The following PDZD8 variants were observed in gnomAD, a reference collection of about 807,000 sequenced individuals.
The protein encoded by PDZD8 is PDZ domain-containing protein 8.
In PDZD8, 14 loss-of-function variants were observed where a neutral mutation model predicts 85.8. The ratio of observed to expected loss-of-function variants is 0.16; its 90% confidence interval spans 0.11 to 0.26. PDZD8 has a LOEUF of 0.26. Ranked by LOEUF, PDZD8 falls within the 10% of genes least tolerant of loss-of-function variation. The pLI is 1.00. For synonymous variants in PDZD8, 592 were observed against 568.6 expected (o/e 1.04, Z -0.59); for missense variants, 1,197 against 1,424.3 (o/e 0.84, Z 2.57).
At chr10:117,369,378 C>T (rs1221542331) in intron 1 of PDZD8, among the ~76,000 whole-genome samples, 1 of 151,950 alleles carries the variant, frequency 6.6e-6, no homozygotes, top group Non-Finnish European at 1.5e-5. Context: ...AGGCTGGTCT[C>T]GAACTCCTGA....
intron 1 of PDZD8, among the ~76,000 whole-genome samples, chr10:117,356,074 CATCTTT>C (rs141735303): frequency 0.019 from 2,961 of 152,096 alleles, 36 homozygotes; most frequent in Non-Finnish European, 0.032. Flanking sequence ...GGATCTCATT[CATCTTT>C]AAGTCATTAT....
Position 117,374,643 on chromosome 10 carries a change from C to T in PDZD8, c.585G>A (p.Glu195=). The T allele has an allele frequency of 1.9e-6, 3 of 1,583,188 alleles. No individual in the cohort carries two copies. The highest frequency in any genetic ancestry group is 2.6e-6 in the Non-Finnish European group (3 of 1,164,352). The change falls in exon 1 of 5, where the codon GAG becomes GAA. Residue 195 remains glutamate, a synonymous_variant. Transcript: ENST00000334464. This position sits in a 1 kb window ranked among gnomAD's most constrained non-coding sequence, Gnocchi z 7.8. ...GGTGGAAGCCCCCGTTGTACTCCAC[C>T]TCCGCCTCGAAGGCCAGCTCCTCGG... is the stretch of plus-strand genomic sequence containing the variant. The part of the protein sequence containing the change: ...ACPEELAFEA[E]VEYNGGFHLA...
chr10:117,328,991 T>C (rs1448930625), intron 2 of PDZD8, among the ~76,000 whole-genome samples: 2 of 152,200 alleles, frequency 1.3e-5, no homozygotes, highest in Non-Finnish European at 2.9e-5. Flanking sequence ...TAGGTGAATA[T>C]AGACGACATT....
intron 2 of PDZD8, among the ~76,000 whole-genome samples, chr10:117,340,599 CT>C (rs1410957918): frequency 3.3e-5 from 5 of 152,144 alleles, no homozygotes; most frequent in African/African-American, 1.2e-4. Flanking sequence ...GCAGTGGCTG[CT>C]ATACTTATCA....
intron 2 of PDZD8, among the ~76,000 whole-genome samples, chr10:117,334,631 G>C (rs1295046050): frequency 6.6e-6 from 1 of 151,674 alleles, no homozygotes; most frequent in Non-Finnish European, 1.5e-5. Context: ...TTTGTTCAAA[G>C]AATTAAAGGA....
chr10:117,334,609 A>C (rs374876895), intron 2 of PDZD8, among the ~76,000 whole-genome samples: 1 of 152,198 alleles, frequency 6.6e-6, no homozygotes, highest in African/African-American at 2.4e-5. Context: ...GGCTCAAAAA[A>C]CTGACAGAAC....
rs1363841410 is a variant in PDZD8 at position 117,374,136 on chromosome 10, C to T, written c.872+220G>A. Among the ~76,000 whole-genome samples, 1 of 152,220 alleles carries T rather than the reference C, an allele frequency of 6.6e-6. No homozygotes were observed. Among genetic ancestry groups the T allele is most frequent in the Non-Finnish European group, 1.5e-5 (1 of 68,042 alleles). ...TGCCCGCGTTGACAGCACCCTGAGT[C>T]CCCATGAACACGCGAAAAGGTTTCT... On this transcript the variant is annotated intron_variant, in intron 1 of 4. Coordinates refer to ENST00000334464, the MANE Select transcript of PDZD8 (RefSeq NM_173791.5). The surrounding 1 kb of genome is among the most constrained non-coding windows in gnomAD (Gnocchi z 7.8).
chr10:117,304,579 C>T (rs905766336), intron 3 of PDZD8, among the ~76,000 whole-genome samples: 1 of 152,064 alleles, frequency 6.6e-6, no homozygotes, highest in Non-Finnish European at 1.5e-5. Flanking sequence ...GGCTGTGCCT[C>T]CACCCAATTC....
At position 117,283,738 on chromosome 10, in the gene PDZD8, T is replaced by A. The variant is rs761801118; in HGVS notation, c.2995A>T (p.Ile999Leu). 1 of 1,614,206 alleles carries A rather than the reference T, an allele frequency of 6.2e-7. No homozygotes were observed. The highest frequency in any genetic ancestry group is 1.1e-5 in the South Asian group (1 of 91,080). ...SPSKRGNSTG[I>L]KLVRKEGGLD... is the part of the protein sequence containing the mutation. ...CCACCCTCTTTTCTCACTAACTTTA[T>A]TCCTGTGCTGTTTCCCCGTTTAGAA... Residue 999 changes from isoleucine to leucine, a missense_variant, in exon 5 of 5, where the codon ATA becomes TTA. Around this residue, in one of 4 missense-constraint regions of PDZD8, gnomAD observed 418 missense variants for 571.1 expected, o/e 0.73. Transcript: ENST00000334464.
intron 3 of PDZD8, among the ~76,000 whole-genome samples, 160 bp from the exon 4 acceptor site, chr10:117,290,508 T>A (rs1247318245): frequency 6.6e-6 from 1 of 152,174 alleles, no homozygotes. Flanking sequence ...TGTAACAATA[T>A]AAATTAACTA....
intron 4 of PDZD8, among the ~76,000 whole-genome samples, chr10:117,288,925 C>G (rs1474862910): frequency 6.6e-6 from 1 of 152,144 alleles, no homozygotes; most frequent in Non-Finnish European, 1.5e-5. Context: ...GTATTTACTA[C>G]TTGTGTAATT....
intron 3 of PDZD8, among the ~76,000 whole-genome samples, chr10:117,305,319 C>T (rs752389704): frequency 6.6e-5 from 10 of 151,766 alleles, no homozygotes; most frequent in Non-Finnish European, 1.3e-4. Context: ...GGCTGAGGCA[C>T]GAGAATTGCT....
At position 117,343,178 on chromosome 10, in the gene PDZD8, C is replaced by G. The variant is rs929697908; in HGVS notation, c.873-2076G>C. ...ACTGAAATAAACACTTAGAAAATAT[C>G]AATGGCCTACTATAGTTTATACTGA... On this transcript the variant is annotated intron_variant, in intron 1 of 4. Coordinates refer to ENST00000334464, the MANE Select transcript of PDZD8 (RefSeq NM_173791.5). Among the ~76,000 whole-genome samples the G allele has an allele frequency of 6.6e-5, 10 of 152,214 alleles. No individual in the cohort carries two copies. In the South Asian group the frequency reaches 1.7e-3, roughly 25 times the overall value.
rs1273100923 is a variant in PDZD8, at chr10:117,283,441, T to C, written c.3292A>G (p.Ile1098Val). ...CTTTCTAAAGTTTCTATATCTTCAA[T>C]GCCTGCTCTGTAGTGAATCATAAGA... ...TLLMIHYRAGIEDIETLESLS... is the reference protein window; with the variant it reads ...TLLMIHYRAGVEDIETLESLS... Residue 1098 changes from isoleucine to valine, a missense_variant, in exon 5 of 5, where the codon ATT (isoleucine) becomes GTT (valine). By Grantham distance (29) the Ile-to-Val change is conservative. Coordinates refer to ENST00000334464, the MANE Select transcript of PDZD8 (RefSeq NM_173791.5). The C allele has an allele frequency of 5.0e-6, 8 of 1,614,120 alleles. No homozygotes were observed. Among genetic ancestry groups the C allele is most frequent in the Non-Finnish European group, 4.2e-6 (5 of 1,179,958 alleles).
At chr10:117,298,380 G>A (rs1424927778) in intron 3 of PDZD8, among the ~76,000 whole-genome samples, 1 of 151,956 alleles carries the variant, frequency 6.6e-6, no homozygotes, top group Non-Finnish European at 1.5e-5. Flanking sequence ...TCGTTTTGGG[G>A]GTTACCTTTT....
chr10:117,366,122 C>T (rs956341477), intron 1 of PDZD8, among the ~76,000 whole-genome samples: 2 of 151,862 alleles, frequency 1.3e-5, no homozygotes, highest in African/African-American at 4.8e-5. Context: ...TTTAGAAACG[C>T]CTGAGCCATA....
At chr10:117,366,346 A>G (rs1050860034) in intron 1 of PDZD8, among the ~76,000 whole-genome samples, 2 of 152,242 alleles carry the variant, frequency 1.3e-5, no homozygotes, top group East Asian at 3.8e-4. Flanking sequence ...TTTTCTGCAG[A>G]AATTTTCTGC....
intron 2 of PDZD8, among the ~76,000 whole-genome samples, chr10:117,335,932 A>G (rs1844509312): frequency 6.6e-6 from 1 of 152,226 alleles, no homozygotes; most frequent in Non-Finnish European, 1.5e-5. Context: ...GAAGAACCAA[A>G]GCAAGGAACA....
chr10:117,356,427 G>C (rs1036933354), intron 1 of PDZD8, among the ~76,000 whole-genome samples: 2 of 152,118 alleles, frequency 1.3e-5, no homozygotes, highest in African/African-American at 2.4e-5. Context: ...AGATGTGAAA[G>C]GTAATTCCAC....
Sources: gnomAD v4.1 joint callset for allele counts (sites outside exome capture counted in the v4.1 genomes callset) on GRCh38, gnomAD v4.1.1 for gene constraint, gnomAD v4.1.1 regional missense constraint, Gnocchi (gnomAD v3.1) non-coding constraint, MANE v1.5 for transcripts, NCBI Gene and HGNC (gene_info 2026-07-23, HGNC 2026-07-21) for gene names.